DTX4: variants seen among roughly 807,000 people sequenced by gnomAD.
The protein encoded by DTX4 is E3 ubiquitin-protein ligase DTX4.
Under a neutral mutation model 57.6 loss-of-function variants are expected in DTX4, and 28 were observed. The observed-to-expected ratio is 0.49, with a 90% CI of 0.36 to 0.67. The LOEUF (loss-of-function observed/expected upper bound fraction) is 0.67. DTX4 is among the 30% of genes least tolerant of loss of function. The pLI, the probability that DTX4 is intolerant of heterozygous loss-of-function variation, is 0.00. For synonymous variants in DTX4, 316 were observed against 331.0 expected, an observed-to-expected ratio of 0.95 and a Z score of 0.49; for missense variants, 715 against 836.8, an observed-to-expected ratio of 0.85 and a Z score of 1.80.
chr11:59,180,136 A>C (rs2135513377), intron 1 of DTX4, among the ~76,000 whole-genome samples: 1 of 152,270 alleles, frequency 6.6e-6, no homozygotes, highest in Admixed American at 6.5e-5. Flanking sequence ...CCCAGGACCC[A>C]AACAGATGAG....
chr11:59,176,597 C>T (rs1460552356), intron 1 of DTX4, among the ~76,000 whole-genome samples: 1 of 152,200 alleles, frequency 6.6e-6, no homozygotes, highest in Non-Finnish European at 1.5e-5. Flanking sequence ...GTAAGAGCGG[C>T]CTGGGATTTC....
At chr11:59,197,348 G>T (rs1862685300) in intron 7 of DTX4, among the ~76,000 whole-genome samples, 1 of 152,110 alleles carries the variant, frequency 6.6e-6, no homozygotes, top group Non-Finnish European at 1.5e-5. Flanking sequence ...TAAGAGGGTT[G>T]TAGAGGAAAA....
At position 59,204,910 on chromosome 11, in the gene DTX4, G is replaced by T; in HGVS notation, c.*1G>T. 6.4e-7 allele frequency: 1 copy of T among 1,571,460 alleles called. No individual in the cohort carries two copies. The highest frequency in any genetic ancestry group is 8.6e-7 in the Non-Finnish European group (1 of 1,157,448). On this transcript the variant is annotated 3_prime_UTR_variant, in exon 9 of 9. Coordinates refer to ENST00000227451, the MANE Select transcript of DTX4 (RefSeq NM_015177.2). ...CAGCACTGCCCAGGAGAAGGACTGA[G>T]GCCAGAAAAGCTTTGAGGTGGGAGG...
intron 2 of DTX4, among the ~76,000 whole-genome samples, chr11:59,183,992 G>T (rs1862497221): frequency 6.6e-6 from 1 of 152,202 alleles, no homozygotes; most frequent in Non-Finnish European, 1.5e-5. Context: ...CCAGGTTTTG[G>T]CCTCCTGATC....
chr11:59,174,043 C>T (rs1471636227), intron 1 of DTX4, among the ~76,000 whole-genome samples: 1 of 152,154 alleles, frequency 6.6e-6, no homozygotes, highest in East Asian at 1.9e-4. Context: ...CTCTCTGCTT[C>T]CTTGGAAAGC....
At chr11:59,194,031 C>T (rs944862353) in intron 6 of DTX4, among the ~76,000 whole-genome samples, 7 of 152,148 alleles carry the variant, frequency 4.6e-5, no homozygotes, top group Non-Finnish European at 1.0e-4. Flanking sequence ...TCCAGGCCCT[C>T]CTCCAGGCAG....
intron 8 of DTX4, 38 bp from the exon 9 acceptor site, chr11:59,204,638 T>A: frequency 6.4e-7 from 1 of 1,567,256 alleles, no homozygotes; most frequent in Non-Finnish European, 8.7e-7. Flanking sequence ...GACTGCCAAT[T>A]AATGTCTGCC....
intron 6 of DTX4, 24 bp from the exon 7 acceptor site, chr11:59,195,184 G>C: frequency 1.2e-6 from 2 of 1,613,764 alleles, no homozygotes; most frequent in South Asian, 1.1e-5. Flanking sequence ...TCCCAATCTG[G>C]CTCTTCTGGC....
chr11:59,188,870 G>A, intron 3 of DTX4, 74 bp downstream of exon 3: 1 of 1,349,276 alleles, frequency 7.4e-7, no homozygotes, highest in Non-Finnish European at 1.0e-6. Flanking sequence ...GAGCATTTGT[G>A]GAAAAAAAGG....
At chr11:59,197,731 A>T (rs1862692020) in intron 7 of DTX4, among the ~76,000 whole-genome samples, 1 of 152,170 alleles carries the variant, frequency 6.6e-6, no homozygotes, top group African/African-American at 2.4e-5. Flanking sequence ...ATGGTTGGAT[A>T]TGGGGTCAGG....
intron 8 of DTX4, 28 bp downstream of exon 8, chr11:59,199,801 T>C: frequency 1.3e-6 from 2 of 1,541,858 alleles, no homozygotes; most frequent in Middle Eastern, 3.3e-4. Flanking sequence ...CACATAGAAC[T>C]AGGTTTTAGA....
In DTX4 at chr11:59,188,877, A is replaced by G. The variant is rs1331652465; in HGVS notation, c.997+81A>G. 5 of 1,333,320 alleles carry G rather than the reference A, an allele frequency of 3.8e-6. No homozygotes were observed. The African/African-American group carries it at 5.8e-5, about 16-fold the overall frequency. 82.6% of individuals were successfully genotyped at this position (1,333,320 alleles called of 1,614,324 possible). On this transcript the variant is annotated intron_variant, in intron 3 of 8. Transcript: ENST00000227451. ...TAGGTCATGAGCATTTGTGGAAAAA[A>G]AGGAGAGAATCTAGATATTAATGAA... is the stretch of plus-strand genomic sequence containing the variant.
At chr11:59,190,579 C>T (rs1862585914) in intron 4 of DTX4, among the ~76,000 whole-genome samples, 1 of 152,178 alleles carries the variant, frequency 6.6e-6, no homozygotes, top group Non-Finnish European at 1.5e-5. Flanking sequence ...AGAGGATCAC[C>T]CTTCCCCTGC....
intron 2 of DTX4, among the ~76,000 whole-genome samples, chr11:59,186,785 GAGTCCAGAAACA>G (rs1862534350): frequency 6.6e-6 from 1 of 152,356 alleles, no homozygotes; most frequent in African/African-American, 2.4e-5. Flanking sequence ...GCAGGTCACA[GAGTCCAGAAACA>G]AGTCCATTCT....
At chr11:59,186,086 C>T (rs996121886) in intron 2 of DTX4, among the ~76,000 whole-genome samples, 5 of 152,166 alleles carry the variant, frequency 3.3e-5, no homozygotes, top group African/African-American at 1.2e-4. Flanking sequence ...CCCCTTCTCC[C>T]CAGACCCCTC....
chr11:59,199,829 C>A, intron 8 of DTX4, 56 bp downstream of exon 8: 1 of 1,454,962 alleles, frequency 6.9e-7, no homozygotes, highest in Non-Finnish European at 9.4e-7. Flanking sequence ...GGGCAGTTTA[C>A]TTCTATGTCA....
At chr11:59,186,562 G>C (rs1450952900) in intron 2 of DTX4, among the ~76,000 whole-genome samples, 1 of 152,226 alleles carries the variant, frequency 6.6e-6, no homozygotes, top group African/African-American at 2.4e-5. Context: ...GGAGGACTCA[G>C]GGCTTGGGTG....
intron 1 of DTX4, among the ~76,000 whole-genome samples, chr11:59,177,459 C>G (rs923329921): frequency 1.3e-5 from 2 of 152,212 alleles, no homozygotes. Context: ...CTCCACTCAC[C>G]TGGAACTAAT....
At position 59,207,908 on chromosome 11, in the gene DTX4, G is replaced by A. The variant is rs939124296; in HGVS notation, c.*2999G>A. ...GTTTTATACTTGGTCAAAAGTACTC[G>A]TCTTGGTATTGCACTGTTGTGTGCA... On this transcript the variant is annotated 3_prime_UTR_variant, in exon 9 of 9. Transcript: ENST00000227451. The A allele has an allele frequency of 2.0e-5, 3 of 152,424 alleles. No homozygotes were observed. Among genetic ancestry groups the A allele is most frequent in the Admixed American group, 1.3e-4 (2 of 15,256 alleles). 9.4% of individuals were successfully genotyped at this position (152,424 alleles called of 1,614,324 possible). A position where few individuals can be genotyped will look rare whatever the true frequency, so the allele number is the denominator to read the frequency against.
Sources: gnomAD v4.1 joint callset for allele counts (sites outside exome capture counted in the v4.1 genomes callset) on GRCh38, gnomAD v4.1.1 for gene constraint, MANE v1.5 for transcripts, NCBI Gene and HGNC (gene_info 2026-07-23, HGNC 2026-07-21) for gene names.